The following LDLRAD3 variants were observed in gnomAD, a reference collection of about 807,000 sequenced individuals.
LDLRAD3 encodes the protein low-density lipoprotein receptor class A domain-containing protein 3.
In LDLRAD3, 20 loss-of-function variants were observed where a neutral mutation model predicts 29.4. The observed-to-expected ratio is 0.68, with a 90% confidence interval of 0.48 to 0.99. LDLRAD3 has a LOEUF of 0.99. LDLRAD3 is among the 50% of genes least tolerant of loss of function. The pLI is 0.00. For synonymous variants in LDLRAD3, 157 were observed against 192.7 expected (o/e 0.81, Z 1.53); for missense variants, 420 against 454.3 (o/e 0.92, Z 0.69).
At chr11:36,056,010 T>TTG (rs1852614027) in intron 2 of LDLRAD3, among the ~76,000 whole-genome samples, 1 of 149,884 alleles carries the variant, frequency 6.7e-6, no homozygotes, top group Non-Finnish European at 1.5e-5. Flanking sequence ...TTTTTTTTTT[T>TTG]TTGAGACAAG....
intron 1 of LDLRAD3, among the ~76,000 whole-genome samples, chr11:36,013,055 A>G (rs1851975220): frequency 6.6e-6 from 1 of 152,228 alleles, no homozygotes; most frequent in Non-Finnish European, 1.5e-5. Flanking sequence ...ATATTTAGAG[A>G]TAGAAATGCT....
In LDLRAD3 at chr11:35,982,522, T is replaced by TG. The variant is rs1208859173; in HGVS notation, c.46+38383dup. Among the ~76,000 whole-genome samples the TG allele has an allele frequency of 2.6e-5, 4 of 152,320 alleles. No individual in the cohort carries two copies. The South Asian group carries it at 8.3e-4, about 32-fold the overall frequency. ...GGTTAGGACTCCGGCATACTGTTTTTGGGGGACACATTTCAACCCATAACT... is the reference window on the plus strand; with the variant it reads ...GGTTAGGACTCCGGCATACTGTTTTTGGGGGGACACATTTCAACCCATAACT... On this transcript the variant is annotated intron_variant, in intron 1 of 5. Transcript: ENST00000315571.
chr11:36,040,757 C>T (rs1852370735), intron 2 of LDLRAD3, among the ~76,000 whole-genome samples: 1 of 152,146 alleles, frequency 6.6e-6, no homozygotes, highest in Non-Finnish European at 1.5e-5. Flanking sequence ...CGACTGCCGA[C>T]TTGTTTTGCT....
At chr11:36,146,551 C>T (rs975411554) in intron 4 of LDLRAD3, among the ~76,000 whole-genome samples, 1 of 152,130 alleles carries the variant, frequency 6.6e-6, no homozygotes, top group Non-Finnish European at 1.5e-5. Context: ...TCGTACAGTT[C>T]AGAAGAGAAG....
intron 2 of LDLRAD3, 89 bp from the exon 3 acceptor site, chr11:36,081,564 C>A: frequency 6.6e-7 from 1 of 1,525,476 alleles, no homozygotes; most frequent in Non-Finnish European, 9.0e-7. Flanking sequence ...CTTAAGTGGA[C>A]TCATTTTCAC....
intron 4 of LDLRAD3, among the ~76,000 whole-genome samples, chr11:36,153,129 G>A (rs996615456): frequency 3.3e-5 from 5 of 151,982 alleles, no homozygotes; most frequent in African/African-American, 1.2e-4. Flanking sequence ...AACACTTAAT[G>A]GCTTCGGGTT....
chr11:36,105,797 C>G (rs1379246179), intron 4 of LDLRAD3, among the ~76,000 whole-genome samples: 1 of 152,126 alleles, frequency 6.6e-6, no homozygotes, highest in Admixed American at 6.5e-5. Flanking sequence ...GCCTCTGGAA[C>G]GAGGAGACAA....
intron 4 of LDLRAD3, among the ~76,000 whole-genome samples, chr11:36,220,062 A>G (rs535137477): frequency 6.6e-6 from 1 of 152,356 alleles, no homozygotes; most frequent in South Asian, 2.1e-4. Flanking sequence ...TCAGTACATG[A>G]ACAGATGCTC....
rs546620869 is a variant in LDLRAD3 at position 36,058,369 on chromosome 11, A to G, written c.193+22120A>G. ...TGGTCAGTCTTGGGGGTTTTTCTGA[A>G]GCATATGACCTACTTTATCAACTCC... On this transcript the variant is annotated intron_variant, in intron 2 of 5. Transcript: ENST00000315571. 7.9e-5 allele frequency among the ~76,000 whole-genome samples: 12 copies of G among 152,242 alleles called. No homozygotes were observed. The South Asian group carries it at 2.5e-3, about 32-fold the overall frequency.
chr11:36,022,992 G>C (rs1213821996), intron 1 of LDLRAD3, among the ~76,000 whole-genome samples: 1 of 152,168 alleles, frequency 6.6e-6, no homozygotes, highest in Non-Finnish European at 1.5e-5. Flanking sequence ...TGCTCAAGAA[G>C]TCAGCTAATT....
At chr11:35,997,064 C>T (rs1022649229) in intron 1 of LDLRAD3, among the ~76,000 whole-genome samples, 2 of 152,134 alleles carry the variant, frequency 1.3e-5, no homozygotes, top group Non-Finnish European at 2.9e-5. Flanking sequence ...TAAAGTAATA[C>T]ACATACAGCA....
At chr11:36,016,399 C>A (rs1325569076) in intron 1 of LDLRAD3, among the ~76,000 whole-genome samples, 1 of 152,102 alleles carries the variant, frequency 6.6e-6, no homozygotes. Flanking sequence ...AAACTTACTT[C>A]TCTTGTGCTT....
intron 2 of LDLRAD3, among the ~76,000 whole-genome samples, chr11:36,049,802 T>C (rs1487817024): frequency 1.3e-5 from 2 of 152,376 alleles, no homozygotes; most frequent in East Asian, 3.9e-4. Flanking sequence ...ATCACTTGCA[T>C]GTACCTGAGT....
In LDLRAD3 at chr11:36,229,547, C is replaced by G. The variant is rs920106617; in HGVS notation, c.*150C>G. The G allele has an allele frequency of 6.5e-6, 4 of 612,900 alleles. No homozygotes were observed. In the African/African-American group the frequency reaches 7.3e-5, roughly 11 times the overall value. 38.0% of individuals were successfully genotyped at this position (612,900 alleles called of 1,614,324 possible). ...TAACTATCTCTGCATTCCCCTCCTC[C>G]CCCAGACTTCAGAGATGTTTTTCTG... On this transcript the variant is annotated 3_prime_UTR_variant, in exon 6 of 6. Coordinates refer to ENST00000315571, the MANE Select transcript of LDLRAD3 (RefSeq NM_174902.4).
chr11:36,224,795 A>G lies in LDLRAD3; in HGVS notation c.455-2290A>G, dbSNP rs77552245. Reference sequence around the variant, plus strand: ...GAATCAGAAAATGTTTATATCAGAAAAGAAGAGAAGTCAATGTGTTTCGCA... The same window carrying G: ...GAATCAGAAAATGTTTATATCAGAAGAGAAGAGAAGTCAATGTGTTTCGCA... On this transcript the variant is annotated intron_variant, in intron 4 of 5. Transcript: ENST00000315571. Among the ~76,000 whole-genome samples the G allele has an allele frequency of 9.5e-4, 144 of 152,314 alleles. 1 individual carries two copies. The East Asian group carries it at 0.026, about 27-fold the overall frequency.
chr11:36,185,991 A>G (rs1199177899), intron 4 of LDLRAD3, among the ~76,000 whole-genome samples: 1 of 152,220 alleles, frequency 6.6e-6, no homozygotes, highest in Non-Finnish European at 1.5e-5. Flanking sequence ...CACAGAGGCA[A>G]AGAAAGCTCT....
chr11:36,078,242 C>T (rs1853049214), intron 2 of LDLRAD3, among the ~76,000 whole-genome samples: 1 of 152,194 alleles, frequency 6.6e-6, no homozygotes, highest in Admixed American at 6.5e-5. Context: ...CTCAGGCCTT[C>T]CCTGGCTTGA....
rs552275410 is a variant in LDLRAD3 at position 36,012,319 on chromosome 11, T to C, written c.47-23784T>C. ...GGTGTGACAGCAAAACTAGCACAAA[T>C]TCTTTTTCCTTCTTCACAATTTCAC... is the stretch of plus-strand genomic sequence containing the variant. On this transcript the variant is annotated intron_variant, in intron 1 of 5. Coordinates refer to ENST00000315571, the MANE Select transcript of LDLRAD3 (RefSeq NM_174902.4). 2.0e-5 allele frequency among the ~76,000 whole-genome samples: 3 copies of C among 152,344 alleles called. No homozygotes were observed. The South Asian group carries it at 6.2e-4, about 32-fold the overall frequency.
chr11:36,025,582 G>C (rs548501929), intron 1 of LDLRAD3, among the ~76,000 whole-genome samples: 4 of 151,856 alleles, frequency 2.6e-5, no homozygotes, highest in Admixed American at 6.6e-5. Context: ...GTAGAGACGG[G>C]GTTTCACCCT....
Sources: allele counts gnomAD v4.1 joint callset (sites outside exome capture counted in the v4.1 genomes callset), GRCh38; gene constraint gnomAD v4.1.1; transcripts MANE v1.5; gene names NCBI Gene and HGNC (gene_info 2026-07-23, HGNC 2026-07-21).